The following NSMAF variants were observed in gnomAD, a reference collection of about 807,000 sequenced individuals.
The protein encoded by NSMAF is neutral sphingomyelinase activation associated factor.
A neutral mutation model predicts 134.9 loss-of-function variants in NSMAF; 90 were observed. The observed-to-expected ratio is 0.67, with a 90% CI of 0.56 to 0.79. NSMAF has a LOEUF of 0.79. Ranked by LOEUF, NSMAF falls within the 30% of genes least tolerant of loss-of-function variation. The pLI is 0.00. For missense variants in NSMAF, 1,010 were observed against 1,119.0 expected (o/e 0.90, Z 1.39); for synonymous variants, 358 against 389.6 (o/e 0.92, Z 0.96).
chr8:58,594,409 T>C (rs1337672805), intron 22 of NSMAF, 119 bp from the exon 23 acceptor site: 3 of 857,898 alleles, frequency 3.5e-6, no homozygotes, highest in African/African-American at 3.3e-5. Flanking sequence ...ACAGCATGTC[T>C]GCCGGATCTG....
At chr8:58,612,948 C>T (rs1472711690) in intron 9 of NSMAF, among the ~76,000 whole-genome samples, 1 of 152,042 alleles carries the variant, frequency 6.6e-6, no homozygotes, top group African/African-American at 2.4e-5. Context: ...GGTAAGAAAC[C>T]TGTCAACCTA....
At chr8:58,633,646 T>C (rs1232323887) in intron 5 of NSMAF, among the ~76,000 whole-genome samples, 2 of 152,156 alleles carry the variant, frequency 1.3e-5, no homozygotes, top group African/African-American at 2.4e-5. Context: ...ACTTATTGAA[T>C]CCATGAGTCG....
Position 58,602,050 on chromosome 8 carries a change from C to T in NSMAF, c.1125+8G>A. The T allele has an allele frequency of 6.2e-7, 1 of 1,607,080 alleles. No homozygotes were observed. The highest frequency in any genetic ancestry group is 2.2e-5 in the East Asian group (1 of 44,786). On this transcript the variant is annotated splice_region_variant and intron_variant, in intron 14 of 30. Coordinates refer to ENST00000038176, the MANE Select transcript of NSMAF (RefSeq NM_003580.4). ...GCTTAGAAACCAAGAATCTCTAAGT[C>T]CACATACCAGTAGTCTCTCCAGCCG...
chr8:58,606,107 A>G, intron 11 of NSMAF, 72 bp from the exon 12 acceptor site: 1 of 1,236,916 alleles, frequency 8.1e-7, no homozygotes, highest in Non-Finnish European at 1.1e-6. Flanking sequence ...ATAAGTATAT[A>G]ATTACAAAAA....
intron 2 of NSMAF, among the ~76,000 whole-genome samples, chr8:58,638,235 G>A (rs1175372043): frequency 6.6e-6 from 1 of 151,954 alleles, no homozygotes; most frequent in African/African-American, 2.4e-5. Context: ...TTTAGAGATG[G>A]GGTCTTGCTA....
chr8:58,642,856 ATTTAC>A, intron 2 of NSMAF, 123 bp downstream of exon 2: 1 of 702,532 alleles, frequency 1.4e-6, no homozygotes, highest in South Asian at 1.7e-5. Context: ...TCTAAATAAA[ATTTAC>A]TTTAATTTTT....
intron 1 of NSMAF, among the ~76,000 whole-genome samples, chr8:58,651,037 C>G (rs534559925): frequency 1.3e-5 from 2 of 152,236 alleles, no homozygotes; most frequent in South Asian, 4.1e-4. Flanking sequence ...TCATGGATTC[C>G]CCTTCAGATG....
At chr8:58,597,957 C>T in intron 19 of NSMAF, 55 bp from the exon 20 acceptor site, 2 of 1,280,642 alleles carry the variant, frequency 1.6e-6, no homozygotes, top group Non-Finnish European at 2.3e-6. Context: ...ATGTAATATA[C>T]ACTGTTTAGA....
At position 58,623,753 on chromosome 8, in the gene NSMAF, C is replaced by T. The variant is rs1247257940; in HGVS notation, c.412G>A (p.Asp138Asn). The change falls in exon 7 of 31, where the codon GAT becomes AAT. Residue 138 changes from aspartate to asparagine, a missense_variant. Asp to Asn is a conservative substitution (Grantham distance 23, BLOSUM62 1). Coordinates refer to ENST00000038176, the MANE Select transcript of NSMAF (RefSeq NM_003580.4). ...ACATCTTCCACTTTCCCGGGAACAT[C>T]CAATTCAAAAACATATTCCATTTTG... ...RGKMEYVFEL[D>N]VPGKVEDVVE... 4 of 1,614,046 alleles carry T rather than the reference C, an allele frequency of 2.5e-6. No individual in the cohort carries two copies. The highest frequency in any genetic ancestry group is 2.5e-6 in the Non-Finnish European group (3 of 1,179,952).
At chr8:58,656,458 T>G (rs1807713517) in intron 1 of NSMAF, among the ~76,000 whole-genome samples, 1 of 152,232 alleles carries the variant, frequency 6.6e-6, no homozygotes, top group South Asian at 2.1e-4. Flanking sequence ...AGAGTAGAAT[T>G]TCCATGTTTA....
Position 58,597,334 on chromosome 8 carries a change from A to G in NSMAF, c.1792+53T>C, listed in dbSNP as rs368871198. 10 of 1,493,622 alleles carry G rather than the reference A, an allele frequency of 6.7e-6. No individual in the cohort carries two copies. In the African/African-American group the frequency reaches 9.7e-5, roughly 15 times the overall value. The allele number at this position is 1,493,622 out of a possible 1,614,324, so 92.5% of individuals were successfully genotyped here. A position where few individuals can be genotyped will look rare whatever the true frequency, so the allele number is the denominator to read the frequency against. On this transcript the variant is annotated intron_variant, in intron 21 of 30. Transcript: ENST00000038176. The stretch of plus-strand genomic sequence containing the variant: ...TTATCTCCTCTTCAGAAACATTTTC[A>G]TCACAGAAGAGAAACAAAAGGTGCT...
chr8:58,654,774 T>C (rs995670642), intron 1 of NSMAF, among the ~76,000 whole-genome samples: 134 of 152,350 alleles, frequency 8.8e-4, no homozygotes, highest in African/African-American at 3.0e-3. Flanking sequence ...ATTACAGAGA[T>C]AAAACTATGA....
intron 9 of NSMAF, among the ~76,000 whole-genome samples, chr8:58,614,119 C>T (rs1013000196): frequency 2.6e-5 from 4 of 151,888 alleles, no homozygotes; most frequent in South Asian, 2.1e-4. Context: ...CCTAACAACA[C>T]GTTTCTCACA....
chr8:58,586,687 T>C, intron 27 of NSMAF, 79 bp from the exon 28 acceptor site: 1 of 1,154,136 alleles, frequency 8.7e-7, no homozygotes, highest in South Asian at 1.5e-5. Context: ...GGTTCAAATA[T>C]GTAGTCATCA....
At chr8:58,603,598 T>G (rs1402038538) in intron 12 of NSMAF, among the ~76,000 whole-genome samples, 1 of 152,208 alleles carries the variant, frequency 6.6e-6, no homozygotes, top group East Asian at 1.9e-4. Flanking sequence ...TTAAATACAC[T>G]GAGCTATTAC....
In NSMAF at chr8:58,623,278, A is replaced by G. The variant is rs1806831603; in HGVS notation, c.505-6T>C. The G allele has an allele frequency of 6.2e-7, 1 of 1,606,224 alleles. No individual in the cohort carries two copies. The highest frequency in any genetic ancestry group is 1.4e-5 in the African/African-American group (1 of 73,770). On this transcript the variant is annotated splice_polypyrimidine_tract_variant and splice_region_variant and intron_variant, in intron 8 of 30. Coordinates refer to ENST00000038176, the MANE Select transcript of NSMAF (RefSeq NM_003580.4). Reference sequence around the variant, plus strand: ...GACTGCAAAATAGCTGTTATCTATTAAAACAGAACCAGAAAAAAAGTATTT... The same window carrying G: ...GACTGCAAAATAGCTGTTATCTATTGAAACAGAACCAGAAAAAAAGTATTT...
Position 58,605,548 on chromosome 8 carries a change from T to C in NSMAF, c.868+379A>G, listed in dbSNP as rs531058088. Among the ~76,000 whole-genome samples the C allele has an allele frequency of 4.1e-5, 6 of 145,260 alleles. No homozygotes were observed. The South Asian group carries it at 1.0e-3, about 25-fold the overall frequency. On this transcript the variant is annotated intron_variant, in intron 12 of 30. Coordinates refer to ENST00000038176, the MANE Select transcript of NSMAF (RefSeq NM_003580.4). ...GAACTATTATCAAAGTGAATTTATATTTCCCAGAATTTTAAAAATATTATT... is the reference window on the plus strand; with the variant it reads ...GAACTATTATCAAAGTGAATTTATACTTCCCAGAATTTTAAAAATATTATT...
intron 16 of NSMAF, among the ~76,000 whole-genome samples, chr8:58,600,663 T>A (rs1307038869): frequency 2.0e-5 from 3 of 148,990 alleles, no homozygotes; most frequent in African/African-American, 7.5e-5. Flanking sequence ...CACCACTATC[T>A]GAATGGCTCA....
chr8:58,587,611 TA>T lies in NSMAF; in HGVS notation c.2295+6del. ...AGTTTTCTGTACAGTTTGTTGCTGG[TA>T]CTCACACTGACATCATGTTCCAGCT... On this transcript the variant is annotated splice_donor_region_variant and intron_variant, in intron 27 of 30. Coordinates refer to ENST00000038176, the MANE Select transcript of NSMAF (RefSeq NM_003580.4). The T allele has an allele frequency of 6.2e-7, 1 of 1,613,106 alleles. No individual in the cohort carries two copies. Among genetic ancestry groups the T allele is most frequent in the Non-Finnish European group, 8.5e-7 (1 of 1,179,046 alleles).
Sources: gnomAD v4.1 joint callset for allele counts (sites outside exome capture counted in the v4.1 genomes callset) on GRCh38, gnomAD v4.1.1 for gene constraint, MANE v1.5 for transcripts, NCBI Gene and HGNC (gene_info 2026-07-23, HGNC 2026-07-21) for gene names.